The following ZNG1A variants were observed in gnomAD, a reference collection of about 807,000 sequenced individuals.
ZNG1A encodes the protein Zn regulated GTPase metalloprotein activator 1A.
At chr9:154,876 T>C in the ZNG1A span, 1 of 1,339,830 alleles carries the variant, frequency 7.5e-7, no homozygotes, top group Non-Finnish European at 1.0e-6. Flanking sequence ...AGAGGAATGT[T>C]AACAAATCAA....
chr9:174,074 G>C, the ZNG1A span, among the ~76,000 whole-genome samples: 1 of 151,036 alleles, frequency 6.6e-6, no homozygotes, highest in East Asian at 1.9e-4. Context: ...GTGAACCCGG[G>C]AGGCGGAGGT....
At chr9:164,999 T>TA in the ZNG1A span, among the ~76,000 whole-genome samples, 1 of 152,174 alleles carries the variant, frequency 6.6e-6, no homozygotes, top group East Asian at 1.9e-4. Context: ...CCCAAAAACT[T>TA]AATAGTTTTC....
the ZNG1A span, among the ~76,000 whole-genome samples, chr9:175,314 G>T: frequency 6.6e-6 from 1 of 151,676 alleles, no homozygotes; most frequent in Non-Finnish European, 1.5e-5. Flanking sequence ...GGAGACAGAG[G>T]TGGCAGTGAG....
At chr9:165,149 C>T in the ZNG1A span, among the ~76,000 whole-genome samples, 2 of 152,020 alleles carry the variant, frequency 1.3e-5, no homozygotes, top group African/African-American at 4.8e-5. Flanking sequence ...AACTGAATTG[C>T]CAATAAGAAT....
the ZNG1A span, among the ~76,000 whole-genome samples, chr9:139,838 T>C: frequency 6.6e-6 from 1 of 150,898 alleles, no homozygotes; most frequent in African/African-American, 2.5e-5. Flanking sequence ...GGCGAGGCAT[T>C]GCCTCACTTG....
the ZNG1A span, among the ~76,000 whole-genome samples, chr9:168,787 T>C: frequency 6.7e-6 from 1 of 149,808 alleles, no homozygotes; most frequent in Non-Finnish European, 1.5e-5. Context: ...CTGTTTTCTA[T>C]AAATAATAAA....
the ZNG1A span, among the ~76,000 whole-genome samples, chr9:143,216 C>G: frequency 6.7e-6 from 1 of 148,310 alleles, no homozygotes; most frequent in Non-Finnish European, 1.5e-5. Flanking sequence ...CATCCTGATA[C>G]CAAAGCCAGG....
chr9:159,803 T>C, the ZNG1A span, among the ~76,000 whole-genome samples: 2 of 152,058 alleles, frequency 1.3e-5, no homozygotes, highest in Non-Finnish European at 2.9e-5. Context: ...GTGTCATTTT[T>C]AAAAAGCAGC....
the ZNG1A span, among the ~76,000 whole-genome samples, chr9:158,535 A>G: frequency 0.76 from 112,070 of 147,294 alleles, 42,838 homozygotes; most frequent in South Asian, 0.82. Context: ...TTACAGATTT[A>G]TTTTTGCATT....
chr9:163,896 A>T, the ZNG1A span: 1 of 1,321,176 alleles, frequency 7.6e-7, no homozygotes, highest in Non-Finnish European at 1.1e-6. Flanking sequence ...CATGCACTCC[A>T]GTCTGGGCAA....
the ZNG1A span, among the ~76,000 whole-genome samples, chr9:173,572 A>G: frequency 4.6e-5 from 7 of 152,328 alleles, no homozygotes; most frequent in South Asian, 1.4e-3. Context: ...TAAGCCCTGA[A>G]AAAGACACAT....
the ZNG1A span, among the ~76,000 whole-genome samples, chr9:138,377 A>C: frequency 7.8e-6 from 1 of 127,594 alleles, no homozygotes; most frequent in Admixed American, 8.6e-5. Context: ...ATCTCAATCA[A>C]TTTCTTTTTT....
the ZNG1A span, among the ~76,000 whole-genome samples, chr9:140,406 G>A: frequency 6.6e-6 from 1 of 151,274 alleles, no homozygotes; most frequent in Non-Finnish European, 1.5e-5. Context: ...GAGGCAGGCT[G>A]ACACCTCACA....
At chr9:148,860 G>A in the ZNG1A span, 1 of 148,450 alleles carries the variant, frequency 6.7e-6, no homozygotes, top group African/African-American at 2.6e-5. Context: ...TGCAGCTACT[G>A]CTTAGGGATA....
the ZNG1A span, chr9:120,949 A>G: frequency 6.1e-6 from 1 of 163,848 alleles, no homozygotes; most frequent in Admixed American, 5.8e-5. Flanking sequence ...CAAAGAGCAC[A>G]GTATGAAATG....
chr9:170,463 G>A, the ZNG1A span, among the ~76,000 whole-genome samples: 5 of 150,648 alleles, frequency 3.3e-5, no homozygotes, highest in Non-Finnish European at 4.4e-5. Context: ...TCGGCTCACC[G>A]CAACCTCCGC....
At chr9:176,328 CAT>C in the ZNG1A span, among the ~76,000 whole-genome samples, 20 of 141,182 alleles carry the variant, frequency 1.4e-4, no homozygotes, top group Non-Finnish European at 2.0e-4. Context: ...CACTAAAATT[CAT>C]AGAGGAAAAA....
chr9:150,742 G>A, the ZNG1A span: 1 of 977,586 alleles, frequency 1.0e-6, no homozygotes, highest in African/African-American at 1.8e-5. Context: ...TAAAGCAAAT[G>A]TTAGAAATAA....
At chr9:132,783 T>C in the ZNG1A span, among the ~76,000 whole-genome samples, 2 of 54,330 alleles carry the variant, frequency 3.7e-5, 1 homozygote, top group South Asian at 1.7e-3. Flanking sequence ...AAGCAGGTCA[T>C]AAAACCTAGG....
Sources: gnomAD v4.1 joint callset for allele counts (sites outside exome capture counted in the v4.1 genomes callset) on GRCh38, gnomAD v4.1.1 for gene constraint, MANE v1.5 for transcripts, NCBI Gene and HGNC (gene_info 2026-07-23, HGNC 2026-07-21) for gene names.